The following C4orf50 variants were observed in gnomAD, a reference collection of about 807,000 sequenced individuals.
C4orf50 encodes chromosome 4 open reading frame 50.
Under a neutral mutation model 77.2 loss-of-function variants are expected in C4orf50, and 80 were observed. The ratio of observed to expected loss-of-function variants is 1.04; its 90% CI spans 0.87 to 1.25. The LOEUF (loss-of-function observed/expected upper bound fraction) is 1.25, where lower values mean the gene tolerates loss of function less well. Among genes scored for constraint, C4orf50 ranks in the 50% most tolerant of loss-of-function variants. The probability of loss-of-function intolerance (pLI) is 0.00; values close to 1 mark genes in which losing one functional copy is unlikely to be tolerated. For missense variants in C4orf50, 1,257 were observed against 1,152.9 expected, an observed-to-expected ratio of 1.09 and a Z score of -1.31; for synonymous variants, 532 against 465.3, an observed-to-expected ratio of 1.14 and a Z score of -1.84.
At chr4:5,990,246 G>A (rs75487491) in exon 28 of C4orf50, 123,690 of 1,228,570 alleles carry the variant, frequency 0.1, 6,703 homozygotes, top group Non-Finnish European at 0.11. Context: ...GATCCTGCAC[G>A]TCCTCTGCAG....
chr4:5,937,780 C>T (rs1050457521), intron 7 of C4orf50, among the ~76,000 whole-genome samples: 4 of 151,998 alleles, frequency 2.6e-5, no homozygotes, highest in East Asian at 1.9e-4. Context: ...CTCAGAATAA[C>T]CATATTGACA....
At chr4:5,936,289 C>A (rs1164204459) in intron 7 of C4orf50, among the ~76,000 whole-genome samples, 1 of 151,736 alleles carries the variant, frequency 6.6e-6, no homozygotes, top group African/African-American at 2.4e-5. Context: ...AGGATGGGTG[C>A]GGTGGCTCAT....
intron 25 of C4orf50, among the ~76,000 whole-genome samples, chr4:6,003,966 GT>G (rs1430582428): frequency 2.8e-5 from 4 of 143,582 alleles, no homozygotes; most frequent in African/African-American, 5.2e-5. Flanking sequence ...TGGTGATGAT[GT>G]GATGGCGATG....
Position 5,992,100 on chromosome 4 carries a change from G to A in C4orf50, c.1221+703C>T, listed in dbSNP as rs778665650. The stretch of plus-strand genomic sequence containing the variant: ...CTCACCTGTCAAATGGGGCACCTCC[G>A]TGTTCTAAGACATTGCCCTGGGCTT... On this transcript the variant is annotated intron_variant, in intron 27 of 33. Coordinates refer to ENST00000531445, the Ensembl canonical transcript of C4orf50. This position sits in a 1 kb window ranked among gnomAD's most constrained non-coding sequence, Gnocchi z 5.0. Among the ~76,000 whole-genome samples the A allele has an allele frequency of 5.3e-5, 8 of 152,206 alleles. No individual in the cohort carries two copies. The highest frequency in any genetic ancestry group is 8.8e-5 in the Non-Finnish European group (6 of 68,040).
At chr4:5,940,285 G>C (rs1718205203) in intron 7 of C4orf50, among the ~76,000 whole-genome samples, 3 of 152,164 alleles carry the variant, frequency 2.0e-5, no homozygotes, top group African/African-American at 7.2e-5. Context: ...TCATCATTCA[G>C]TTGACACACT....
chr4:5,907,459 T>C (rs1449437686), intron 7 of C4orf50, among the ~76,000 whole-genome samples: 1 of 152,182 alleles, frequency 6.6e-6, no homozygotes, highest in Non-Finnish European at 1.5e-5. Flanking sequence ...GGTCATGTAA[T>C]AGGAATTCTA....
At chr4:5,963,250 C>T (rs1181984193) in intron 33 of C4orf50, among the ~76,000 whole-genome samples, 2 of 152,046 alleles carry the variant, frequency 1.3e-5, no homozygotes, top group East Asian at 3.9e-4. Context: ...TGCCCTCAGC[C>T]CCTCGAAGTG....
At chr4:5,912,088 C>CAAAAACAA (rs59166327) in intron 7 of C4orf50, among the ~76,000 whole-genome samples, 1 of 152,174 alleles carries the variant, frequency 6.6e-6, no homozygotes. Flanking sequence ...CACAAACAAA[C>CAAAAACAA]ACAAACAAAC....
chr4:5,995,190 A>T (rs1721511368), intron 25 of C4orf50, among the ~76,000 whole-genome samples: 1 of 151,838 alleles, frequency 6.6e-6, no homozygotes, highest in Admixed American at 6.6e-5. Flanking sequence ...GCAGTGAGTC[A>T]CCCCGAACAC....
intron 7 of C4orf50, among the ~76,000 whole-genome samples, chr4:5,935,469 G>A (rs1717966183): frequency 6.6e-6 from 1 of 152,196 alleles, no homozygotes; most frequent in South Asian, 2.1e-4. Flanking sequence ...TGGGGCTGAT[G>A]CTGAAACACA....
exon 28 of C4orf50, chr4:5,988,556 C>T: frequency 6.5e-7 from 1 of 1,537,012 alleles, no homozygotes; most frequent in African/African-American, 1.4e-5. Flanking sequence ...GTGGAAGGTC[C>T]TGTCTGCCCT....
chr4:5,959,107 G>T (rs1252294230), exon 34 of C4orf50: 1 of 428,418 alleles, frequency 2.3e-6, no homozygotes. Flanking sequence ...AGAACCTCTG[G>T]ACCAATCATT....
chr4:6,014,773 G>A (rs950284774), intron 23 of C4orf50, among the ~76,000 whole-genome samples: 1 of 152,222 alleles, frequency 6.6e-6, no homozygotes, highest in African/African-American at 2.4e-5. Context: ...GATGGGGCAA[G>A]TATGGGAGGG....
rs918592154 is a variant in C4orf50 at position 6,009,184 on chromosome 4, C to T, written c.427-652G>A. On this transcript the variant is annotated intron_variant, in intron 24 of 33. Coordinates refer to ENST00000531445, the Ensembl canonical transcript of C4orf50. This position sits in a 1 kb window ranked among gnomAD's most constrained non-coding sequence, Gnocchi z 5.6. The stretch of plus-strand genomic sequence containing the variant: ...TGACTCAGGCCTTTTCTTCTTTCAT[C>T]TGCCCACCTGCCTGGCCTGGGAACA... 2.6e-5 allele frequency among the ~76,000 whole-genome samples: 4 copies of T among 152,232 alleles called. No homozygotes were observed. The highest frequency in any genetic ancestry group is 5.9e-5 in the Non-Finnish European group (4 of 68,052).
chr4:5,990,069 C>A (rs943798259), exon 28 of C4orf50: 8 of 1,341,530 alleles, frequency 6.0e-6, no homozygotes, highest in Non-Finnish European at 6.7e-6. Context: ...TCTCTGATGA[C>A]AGTCCTCCTC....
chr4:5,989,541 C>A (rs868234183), exon 28 of C4orf50: 3 of 1,536,136 alleles, frequency 2.0e-6, no homozygotes, highest in Non-Finnish European at 8.7e-7. Context: ...AGTTCTCTCC[C>A]CTACATGCAG....
intron 7 of C4orf50, among the ~76,000 whole-genome samples, chr4:5,922,359 CAAAT>C (rs1222698324): frequency 1.3e-5 from 2 of 152,182 alleles, no homozygotes; most frequent in Admixed American, 1.3e-4. Context: ...CAATGAAAAA[CAAAT>C]AACCTTGTGG....
At chr4:5,973,417 G>A (rs544713266) in intron 31 of C4orf50, among the ~76,000 whole-genome samples, 3 of 152,326 alleles carry the variant, frequency 2.0e-5, no homozygotes, top group Non-Finnish European at 2.9e-5. Context: ...CACTGTTTAC[G>A]TCTGTGCCTT....
intron 25 of C4orf50, among the ~76,000 whole-genome samples, chr4:5,998,851 G>A (rs6829681): frequency 0.045 from 6,793 of 152,328 alleles, 178 homozygotes; most frequent in Middle Eastern, 0.065. Flanking sequence ...AGACCCATCT[G>A]CAGATAAACC....
Sources: gnomAD v4.1 joint callset for allele counts (sites outside exome capture counted in the v4.1 genomes callset) on GRCh38, gnomAD v4.1.1 for gene constraint, Gnocchi (gnomAD v3.1) non-coding constraint, MANE v1.5 for transcripts, NCBI Gene and HGNC (gene_info 2026-07-23, HGNC 2026-07-21) for gene names.